Variants in SRGAP1 observed in about 807,000 individuals in gnomAD.
SRGAP1 encodes the protein SLIT-ROBO Rho GTPase activating protein 1, also known as SLIT-ROBO Rho GTPase-activating protein 1.
Under a neutral mutation model 121.9 loss-of-function variants are expected in SRGAP1, and 43 were observed. The observed-to-expected ratio is 0.35, with a 90% CI of 0.28 to 0.46. The LOEUF (loss-of-function observed/expected upper bound fraction) is 0.46. Among genes scored for constraint, SRGAP1 ranks in the 20% least tolerant of loss-of-function variants. SRGAP1 has a pLI of 1.00. For synonymous variants in SRGAP1, 447 were observed against 485.4 expected, an observed-to-expected ratio of 0.92 and a Z score of 1.04; for missense variants, 1,102 against 1,350.9, an observed-to-expected ratio of 0.82 and a Z score of 2.89.
In SRGAP1 at chr12:64,142,997, A is replaced by G. The variant is rs1417332451; in HGVS notation, c.*325A>G. 2 of 260,948 alleles carry G rather than the reference A, an allele frequency of 7.7e-6. No individual in the cohort carries two copies. Among genetic ancestry groups the G allele is most frequent in the African/African-American group, 4.4e-5 (2 of 45,754 alleles). The allele number at this position is 260,948 out of a possible 1,614,324, so 16.2% of individuals were successfully genotyped here. On this transcript the variant is annotated 3_prime_UTR_variant, in exon 22 of 22. Transcript: ENST00000355086. ...CAGAGCTTCAGGTTTAATGTAGCCC[A>G]GCTGAGTCAGAAAGGTTGTGACCTG...
intron 3 of SRGAP1, among the ~76,000 whole-genome samples, chr12:64,007,352 C>T (rs1266644153): frequency 6.6e-6 from 1 of 152,152 alleles, no homozygotes; most frequent in Admixed American, 6.5e-5. Context: ...ATAAGGAGCA[C>T]ATAACCTAAA....
chr12:64,137,977 TATATAA>T (rs1230034294), intron 21 of SRGAP1, among the ~76,000 whole-genome samples: 8 of 147,268 alleles, frequency 5.4e-5, no homozygotes, highest in African/African-American at 2.0e-4. Context: ...TATATATATA[TATATAA>T]AAAATAATAA....
intron 1 of SRGAP1, among the ~76,000 whole-genome samples, chr12:63,946,360 A>G (rs1052653365): frequency 6.6e-6 from 1 of 150,932 alleles, no homozygotes; most frequent in Non-Finnish European, 1.5e-5. Flanking sequence ...AAAGTGTACA[A>G]TTTGATGAGT....
At chr12:64,099,510 G>C (rs564686973) in intron 15 of SRGAP1, among the ~76,000 whole-genome samples, 2 of 152,236 alleles carry the variant, frequency 1.3e-5, no homozygotes, top group African/African-American at 2.4e-5. Flanking sequence ...TAGAGTCTTG[G>C]CTCCAGTTGG....
chr12:64,080,573 C>T (rs937714408), intron 10 of SRGAP1: 18 of 644,490 alleles, frequency 2.8e-5, no homozygotes, highest in East Asian at 2.6e-4. Flanking sequence ...CTTGAGGAAG[C>T]GTAGTGAAAT....
intron 4 of SRGAP1, among the ~76,000 whole-genome samples, chr12:64,034,654 A>C (rs535219315): frequency 6.6e-6 from 1 of 152,274 alleles, no homozygotes; most frequent in South Asian, 2.1e-4. Context: ...CGTATGTGTT[A>C]ACACATTTTA....
At chr12:63,985,890 G>A (rs947475830) in intron 2 of SRGAP1, among the ~76,000 whole-genome samples, 1 of 152,212 alleles carries the variant, frequency 6.6e-6, no homozygotes, top group African/African-American at 2.4e-5. Context: ...GGAAGGGGCT[G>A]TGGAGAAGCA....
chr12:64,039,118 A>G (rs1482498615), intron 4 of SRGAP1, among the ~76,000 whole-genome samples: 1 of 152,232 alleles, frequency 6.6e-6, no homozygotes, highest in African/African-American at 2.4e-5. Flanking sequence ...GAGTTCTCGA[A>G]AAAGCTTTTA....
chr12:63,854,274 T>A (rs1485217540), intron 1 of SRGAP1, among the ~76,000 whole-genome samples: 2 of 152,178 alleles, frequency 1.3e-5, no homozygotes, highest in African/African-American at 4.8e-5. Context: ...TAGTTTTGAT[T>A]AGGATGCATT....
chr12:63,988,264 G>T (rs1565624662), intron 2 of SRGAP1, among the ~76,000 whole-genome samples: 1 of 152,108 alleles, frequency 6.6e-6, no homozygotes, highest in East Asian at 1.9e-4. Flanking sequence ...GAAAGAATTT[G>T]TGGGTTACTT....
At chr12:63,849,941 T>A (rs1408457302) in intron 1 of SRGAP1, among the ~76,000 whole-genome samples, 2 of 152,210 alleles carry the variant, frequency 1.3e-5, no homozygotes, top group Non-Finnish European at 2.9e-5. Context: ...TTTACATTCA[T>A]TGAAGGAGTC....
intron 3 of SRGAP1, among the ~76,000 whole-genome samples, chr12:63,993,161 C>T (rs1378635755): frequency 6.6e-6 from 1 of 151,976 alleles, no homozygotes; most frequent in African/African-American, 2.4e-5. Flanking sequence ...TCTACCAAGT[C>T]CAAAGAATTC....
chr12:64,161,214 A>G lies in SRGAP1; in HGVS notation c.*18542A>G, dbSNP rs1294870522. The G allele has an allele frequency of 6.6e-6, 1 of 152,206 alleles. No homozygotes were observed. Among genetic ancestry groups the G allele is most frequent in the African/African-American group, 2.4e-5 (1 of 41,452 alleles). 9.4% of individuals were successfully genotyped at this position (152,206 alleles called of 1,614,324 possible). On this transcript the variant is annotated 3_prime_UTR_variant, in exon 22 of 22. Coordinates refer to ENST00000355086, the MANE Select transcript of SRGAP1 (RefSeq NM_020762.4). ...TTCCACAGAAATGCTTTCAAACTCA[A>G]TGCATTAAAAACATGCTATAGTTTA...
chr12:64,010,824 C>T (rs1397901225), intron 3 of SRGAP1, among the ~76,000 whole-genome samples: 13 of 151,610 alleles, frequency 8.6e-5, no homozygotes, highest in Admixed American at 8.6e-4. Flanking sequence ...TTAACTTGTA[C>T]ACAGACTGTA....
rs548130396 is a variant in SRGAP1 at position 64,137,829 on chromosome 12, G to T, written c.2881-4466G>T. Reference sequence around the variant, plus strand: ...GTTACCATTAAACCGTGCCATGAGGGGTATGCTCCAGATGAGTGGGAGAAG... The same window carrying T: ...GTTACCATTAAACCGTGCCATGAGGTGTATGCTCCAGATGAGTGGGAGAAG... On this transcript the variant is annotated intron_variant, in intron 21 of 21. Transcript: ENST00000355086. Among the ~76,000 whole-genome samples the T allele has an allele frequency of 1.3e-4, 19 of 151,752 alleles. No homozygotes were observed. The East Asian group carries it at 1.9e-3, about 16-fold the overall frequency.
intron 6 of SRGAP1, among the ~76,000 whole-genome samples, chr12:64,060,193 C>T: frequency 7.0e-6 from 1 of 142,862 alleles, no homozygotes; most frequent in African/African-American, 2.6e-5. Context: ...TCCTTCCTTT[C>T]TTTCTTTTTT....
At chr12:64,046,609 C>T (rs767977944) in intron 6 of SRGAP1, among the ~76,000 whole-genome samples, 1 of 152,012 alleles carries the variant, frequency 6.6e-6, no homozygotes, top group Non-Finnish European at 1.5e-5. Flanking sequence ...AAAAATGACT[C>T]CTAGGTTACT....
chr12:64,127,776 A>G, intron 20 of SRGAP1, 52 bp downstream of exon 20: 1 of 1,605,168 alleles, frequency 6.2e-7, no homozygotes, highest in Non-Finnish European at 8.5e-7. Flanking sequence ...TCCTGGGGCC[A>G]TGAGGAGCCA....
chr12:64,101,062 A>G (rs188861036), intron 15 of SRGAP1, among the ~76,000 whole-genome samples: 1 of 152,300 alleles, frequency 6.6e-6, no homozygotes, highest in East Asian at 1.9e-4. Context: ...GGCTAAGTTA[A>G]TATATGATAG....
Sources: allele counts gnomAD v4.1 joint callset (sites outside exome capture counted in the v4.1 genomes callset), GRCh38; gene constraint gnomAD v4.1.1; transcripts MANE v1.5; gene names NCBI Gene and HGNC (gene_info 2026-07-23, HGNC 2026-07-21).